The following GINS1 variants were observed in gnomAD, a reference collection of about 807,000 sequenced individuals.
GINS1 encodes the protein DNA replication complex GINS protein PSF1.
In GINS1, 26 loss-of-function variants were observed where a neutral mutation model predicts 34.9. That is an observed-to-expected ratio of 0.74 (90% CI 0.55 to 1.03). The LOEUF (loss-of-function observed/expected upper bound fraction) is 1.03. Among genes scored for constraint, GINS1 ranks in the 50% least tolerant of loss-of-function variants. GINS1 has a pLI of 0.00. For synonymous variants in GINS1, 97 were observed against 84.4 expected (o/e 1.15, Z -0.82); for missense variants, 235 against 237.9 (o/e 0.99, Z 0.08).
intron 2 of GINS1, among the ~76,000 whole-genome samples, chr20:25,414,134 G>A (rs1308038200): frequency 7.2e-6 from 1 of 138,554 alleles, no homozygotes; most frequent in Non-Finnish European, 1.5e-5. Flanking sequence ...AGGTTGCAGT[G>A]AGCTGAGATT....
intron 5 of GINS1, among the ~76,000 whole-genome samples, chr20:25,440,918 T>C (rs2146223096): frequency 6.6e-6 from 1 of 152,224 alleles, no homozygotes; most frequent in East Asian, 1.9e-4. Context: ...TTTGGGTGTC[T>C]TGGTAAGGTT....
rs77113924 is a variant in GINS1, at chr20:25,428,969, C to CTTTTTTTTTTTTTTTTTTTTTT, written c.447+3658_447+3679dup. ...GGGTCCTCCACCTTCATTCCTCTCT[C>CTTTTTTTTTTTTTTTTTTTTTT]TTTTTTTTTTTTTTTTTTTTTTTTT... On this transcript the variant is annotated intron_variant, in intron 5 of 6. Transcript: ENST00000262460. 2.4e-5 allele frequency among the ~76,000 whole-genome samples: 3 copies of CTTTTTTTTTTTTTTTTTTTTTT among 127,440 alleles called. 1 individual carries two copies. Among genetic ancestry groups the CTTTTTTTTTTTTTTTTTTTTTT allele is most frequent in the Non-Finnish European group, 4.9e-5 (3 of 60,870 alleles). 83.6% of individuals were successfully genotyped at this position (127,440 alleles called of 152,430 possible).
chr20:25,428,578 T>G (rs2090406632), intron 5 of GINS1, among the ~76,000 whole-genome samples: 2 of 151,686 alleles, frequency 1.3e-5, no homozygotes. Flanking sequence ...TAATTTTTTG[T>G]ATTTTTTAGT....
chr20:25,413,797 G>T lies in GINS1; in HGVS notation c.83G>T (p.Gly28Val), dbSNP rs771649851. 5 of 1,574,564 alleles carry T rather than the reference G, an allele frequency of 3.2e-6. No individual in the cohort carries two copies. In the South Asian group the frequency reaches 5.5e-5, roughly 17 times the overall value. The change falls in exon 2 of 7, where the codon GGA (glycine) becomes GTA (valine). Residue 28 changes from glycine to valine, a missense_variant. Physicochemically the swap from Gly to Val is moderately radical, Grantham distance 109. Transcript: ENST00000262460. ...EGQLPAFNED[G>V]LRQVLEEMKA... Reference sequence around the variant, plus strand: ...TCGGTTTATATGTTCTAGGAGGATGGACTCAGACAAGTTCTGGAGGAGATG... The same window carrying T: ...TCGGTTTATATGTTCTAGGAGGATGTACTCAGACAAGTTCTGGAGGAGATG...
chr20:25,447,560 C>T lies in GINS1; in HGVS notation c.*1569C>T, dbSNP rs2090519418. ...TGACCTGTTTTTCTCTCCTGAATGC[C>T]AATACCATATTTGTATGTAGTGTAT... On this transcript the variant is annotated 3_prime_UTR_variant, in exon 7 of 7. Coordinates refer to ENST00000262460, the MANE Select transcript of GINS1 (RefSeq NM_021067.5). 6.6e-6 allele frequency: 1 copy of T among 152,166 alleles called. No homozygotes were observed. The highest frequency in any genetic ancestry group is 2.4e-5 in the African/African-American group (1 of 41,434). The allele number at this position is 152,166 out of a possible 1,614,324, so 9.4% of individuals were successfully genotyped here.
At chr20:25,422,779 T>C (rs954085724) in intron 4 of GINS1, among the ~76,000 whole-genome samples, 1 of 152,230 alleles carries the variant, frequency 6.6e-6, no homozygotes, top group South Asian at 2.1e-4. Flanking sequence ...CATTCCTTGT[T>C]TTTTATTTTG....
chr20:25,415,053 G>T (rs548615246), intron 2 of GINS1, among the ~76,000 whole-genome samples: 11 of 152,302 alleles, frequency 7.2e-5, no homozygotes, highest in East Asian at 1.9e-4. Flanking sequence ...AGTATTCAGG[G>T]TCTCAACTGT....
At chr20:25,440,410 T>G (rs1169959707) in intron 5 of GINS1, among the ~76,000 whole-genome samples, 1 of 151,964 alleles carries the variant, frequency 6.6e-6, no homozygotes, top group Non-Finnish European at 1.5e-5. Context: ...CACAAATGGG[T>G]GAGGGGAATA....
chr20:25,438,455 T>C (rs1336473480), intron 5 of GINS1, among the ~76,000 whole-genome samples: 1 of 151,164 alleles, frequency 6.6e-6, no homozygotes, highest in African/African-American at 2.4e-5. Context: ...CTGCGGTGAA[T>C]TGGATCACAT....
At position 25,428,908 on chromosome 20, in the gene GINS1, G is replaced by A. The variant is rs527865979; in HGVS notation, c.447+3581G>A. Reference sequence around the variant, plus strand: ...ATGCCAGAACTGTAGTATTTCGATTGTTGTAGCTTTGCAGTAAGTTTAAAT... The same window carrying A: ...ATGCCAGAACTGTAGTATTTCGATTATTGTAGCTTTGCAGTAAGTTTAAAT... On this transcript the variant is annotated intron_variant, in intron 5 of 6. Transcript: ENST00000262460. Among the ~76,000 whole-genome samples, 100 of 146,938 alleles carry A rather than the reference G, an allele frequency of 6.8e-4. No individual in the cohort carries two copies. The South Asian group carries it at 0.021, about 30-fold the overall frequency.
chr20:25,421,012 C>T, intron 4 of GINS1: 1 of 958,182 alleles, frequency 1.0e-6, no homozygotes, highest in Non-Finnish European at 1.2e-6. Flanking sequence ...CTTATAGGAG[C>T]CTATGAGGTC....
intron 1 of GINS1, among the ~76,000 whole-genome samples, chr20:25,412,373 G>C (rs1015489250): frequency 1.3e-5 from 2 of 148,578 alleles, no homozygotes; most frequent in Middle Eastern, 3.4e-3. Context: ...GGCCAATATA[G>C]TGAAACCCCG....
At chr20:25,411,900 A>G (rs2090287535) in intron 1 of GINS1, among the ~76,000 whole-genome samples, 1 of 151,404 alleles carries the variant, frequency 6.6e-6, no homozygotes, top group Non-Finnish European at 1.5e-5. Context: ...CCAAGATTGC[A>G]CCATTGTACT....
chr20:25,411,494 T>C lies in GINS1; in HGVS notation c.76-2296T>C, dbSNP rs547325569. Among the ~76,000 whole-genome samples, 4 of 152,244 alleles carry C rather than the reference T, an allele frequency of 2.6e-5. No homozygotes were observed. In the South Asian group the frequency reaches 6.2e-4, roughly 24 times the overall value. On this transcript the variant is annotated intron_variant, in intron 1 of 6. Transcript: ENST00000262460. ...TCTCTTTCGATTGTTGGCAGACCTA[T>C]TGGGTAACATTTAATCATTTTGGGC...
At chr20:25,442,544 C>T (rs2090487945) in intron 6 of GINS1, among the ~76,000 whole-genome samples, 1 of 151,576 alleles carries the variant, frequency 6.6e-6, no homozygotes, top group African/African-American at 2.4e-5. Context: ...TAATTATTTC[C>T]CTAGAAATCT....
chr20:25,433,919 A>C (rs1397228222), intron 5 of GINS1, among the ~76,000 whole-genome samples: 3 of 152,198 alleles, frequency 2.0e-5, no homozygotes, highest in African/African-American at 7.2e-5. Context: ...TTGCAAAGTT[A>C]CAATAATACT....
At chr20:25,411,767 A>T (rs2090286643) in intron 1 of GINS1, among the ~76,000 whole-genome samples, 1 of 151,990 alleles carries the variant, frequency 6.6e-6, no homozygotes, top group South Asian at 2.1e-4. Context: ...ACATGGTGAA[A>T]CCCTGTCTCT....
At chr20:25,425,415 G>C in intron 5 of GINS1, 88 bp downstream of exon 5, 1 of 619,154 alleles carries the variant, frequency 1.6e-6, no homozygotes, top group East Asian at 2.7e-5. Context: ...ATATGTGTTA[G>C]CTTCTATTAA....
chr20:25,425,308 C>CA lies in GINS1; in HGVS notation c.433dup (p.Ser145LysfsTer5). On this transcript the variant is annotated frameshift_variant, in exon 5 of 7. Transcript: ENST00000262460. LOFTEE classifies it high-confidence loss of function. ...GACATTACACAGGATATGAAACCAC[C>CA]AAAAAGCCTATATATTGAAGTATGT... 6.9e-7 allele frequency: 1 copy of CA among 1,454,886 alleles called. No homozygotes were observed. The highest frequency in any genetic ancestry group is 9.6e-7 in the Non-Finnish European group (1 of 1,037,658). 90.1% of individuals were successfully genotyped at this position (1,454,886 alleles called of 1,614,324 possible).
Sources: allele counts gnomAD v4.1 joint callset (sites outside exome capture counted in the v4.1 genomes callset), GRCh38; gene constraint gnomAD v4.1.1; transcripts MANE v1.5; gene names NCBI Gene and HGNC (gene_info 2026-07-23, HGNC 2026-07-21).